Variants in MON1B observed in about 807,000 individuals in gnomAD.
The protein encoded by MON1B is vacuolar fusion protein MON1 homolog B.
Under a neutral mutation model 45.1 loss-of-function variants are expected in MON1B, and 26 were observed. That is an observed-to-expected ratio of 0.58 (90% CI 0.42 to 0.80). MON1B has a LOEUF of 0.80. Among genes scored for constraint, MON1B ranks in the 30% least tolerant of loss-of-function variants. MON1B has a pLI of 0.00. For synonymous variants in MON1B, 395 were observed against 320.2 expected (o/e 1.23, Z -2.49); for missense variants, 737 against 754.5 (o/e 0.98, Z 0.27).
At chr16:77,196,455 C>T (rs1479603269) in intron 5 of MON1B, among the ~76,000 whole-genome samples, 1 of 152,270 alleles carries the variant, frequency 6.6e-6, no homozygotes, top group Non-Finnish European at 1.5e-5. Flanking sequence ...ATTCTTTCTA[C>T]ATTTATTGGC....
chr16:77,193,305 G>T lies in MON1B; in HGVS notation c.149-146G>T. On this transcript the variant is annotated intron_variant, in intron 2 of 5. Transcript: ENST00000248248. The surrounding 1 kb of genome is among the most constrained non-coding windows in gnomAD (Gnocchi z 5.0). ...TGCGGGGTCCTAGGGCAGTCATCGG[G>T]TCATTGAGGGGCATAGGAGACACTT... 1 of 715,612 alleles carries T rather than the reference G, an allele frequency of 1.4e-6. No individual in the cohort carries two copies. The allele number at this position is 715,612 out of a possible 1,614,324, so 44.3% of individuals were successfully genotyped here.
At chr16:77,195,193 G>A (rs2054653412) in intron 4 of MON1B, 39 bp downstream of exon 4, 3 of 1,479,970 alleles carry the variant, frequency 2.0e-6, no homozygotes, top group Non-Finnish European at 2.7e-6. Context: ...GGGTGGGAAG[G>A]CCTGTCAAAC....
Position 77,198,515 on chromosome 16 carries a change from C to A in MON1B, c.*207C>A, listed in dbSNP as rs1380925545. 3.3e-6 allele frequency: 2 copies of A among 602,748 alleles called. 1 individual carries two copies. The highest frequency in any genetic ancestry group is 5.9e-6 in the Non-Finnish European group (2 of 341,594). The allele number at this position is 602,748 out of a possible 1,614,324, so 37.3% of individuals were successfully genotyped here. On this transcript the variant is annotated 3_prime_UTR_variant, in exon 6 of 6. Coordinates refer to ENST00000248248, the MANE Select transcript of MON1B (RefSeq NM_014940.4). ...GCTTTCCCTGCCCAGTCATGCACCTCCCCCTCTGGGGAAATCCTTAGGCCT... is the reference window on the plus strand; with the variant it reads ...GCTTTCCCTGCCCAGTCATGCACCTACCCCTCTGGGGAAATCCTTAGGCCT...
Position 77,195,553 on chromosome 16 carries a change from C to G in MON1B, c.1314C>G (p.Pro438=), listed in dbSNP as rs754849470. Residue 438 remains proline, a synonymous_variant, in exon 5 of 6, where the codon CCC becomes CCG. Transcript: ENST00000248248. ...ATGGCAGCCCTGAGCTAGAGGCCCC[C>G]TACAGCAGAGAGGAGGAGCGGCAGC... ...PQFTSPELEA[P]YSREEERQRL... The G allele has an allele frequency of 6.2e-7, 1 of 1,613,850 alleles. No homozygotes were observed. The highest frequency in any genetic ancestry group is 2.2e-5 in the East Asian group (1 of 44,842).
Position 77,193,694 on chromosome 16 carries a change from C to T in MON1B, c.392C>T (p.Ala131Val), listed in dbSNP as rs140910966. 6 of 1,614,026 alleles carry T rather than the reference C, an allele frequency of 3.7e-6. No homozygotes were observed. Among genetic ancestry groups the T allele is most frequent in the Admixed American group, 3.3e-5 (2 of 60,014 alleles). Residue 131 changes from alanine (A) to valine (V), a missense_variant, in exon 3 of 6, where the codon GCG becomes GTG. Ala to Val is a moderately conservative substitution (Grantham distance 64, BLOSUM62 0). Coordinates refer to ENST00000248248, the MANE Select transcript of MON1B (RefSeq NM_014940.4). The surrounding 1 kb of genome is among the most constrained non-coding windows in gnomAD (Gnocchi z 5.0). Reference sequence around the variant, plus strand: ...TACTCGCGGTATGGTAGTGTGGAGGCGCTGTCGGCTACCATGGGTGTAATG... The same window carrying T: ...TACTCGCGGTATGGTAGTGTGGAGGTGCTGTCGGCTACCATGGGTGTAATG... Reference protein sequence around the residue: ...PIYSRYGSVEALSATMGVMTA... With the variant: ...PIYSRYGSVEVLSATMGVMTA...
In MON1B at chr16:77,194,230, G is replaced by A. The variant is rs745366084; in HGVS notation, c.476-105G>A. On this transcript the variant is annotated intron_variant, in intron 3 of 5. Coordinates refer to ENST00000248248, the MANE Select transcript of MON1B (RefSeq NM_014940.4). This position sits in a 1 kb window ranked among gnomAD's most constrained non-coding sequence, Gnocchi z 8.1. Reference sequence around the variant, plus strand: ...GCCCACAGAGTGAGCATGTGGACTCGGGCCTGGTGTGTGTATGGTAGGAGA... The same window carrying A: ...GCCCACAGAGTGAGCATGTGGACTCAGGCCTGGTGTGTGTATGGTAGGAGA... The A allele has an allele frequency of 1.8e-5, 19 of 1,030,040 alleles. No individual in the cohort carries two copies. The highest frequency in any genetic ancestry group is 1.1e-4 in the South Asian group (9 of 78,630). The allele number at this position is 1,030,040 out of a possible 1,614,324, so 63.8% of individuals were successfully genotyped here.
chr16:77,195,489 A>T lies in MON1B; in HGVS notation c.1296-46A>T. ...TGAGGGAGGAAATGGGCCAGCCAAGAAGGCCCTGGACTAACCTTGTCCTCC... is the reference window on the plus strand; with the variant it reads ...TGAGGGAGGAAATGGGCCAGCCAAGTAGGCCCTGGACTAACCTTGTCCTCC... On this transcript the variant is annotated intron_variant, in intron 4 of 5. Coordinates refer to ENST00000248248, the MANE Select transcript of MON1B (RefSeq NM_014940.4). 1.3e-6 allele frequency: 2 copies of T among 1,564,598 alleles called. 1 individual carries two copies.
chr16:77,199,731 T>G lies in MON1B; in HGVS notation c.*1423T>G. On this transcript the variant is annotated 3_prime_UTR_variant, in exon 6 of 6. Transcript: ENST00000248248. ...CACCGAGATTAACTTTTGTCAACTG[T>G]AGTGTATACGTTGTTGAAAGTAAAC... is the stretch of plus-strand genomic sequence containing the variant. The G allele has an allele frequency of 2.0e-6, 1 of 502,688 alleles. No homozygotes were observed. Among genetic ancestry groups the G allele is most frequent in the South Asian group, 3.1e-5 (1 of 32,488 alleles). The allele number at this position is 502,688 out of a possible 1,614,324, so 31.1% of individuals were successfully genotyped here.
chr16:77,194,873 C>T lies in MON1B; in HGVS notation c.1014C>T (p.Ala338=). The T allele has an allele frequency of 1.2e-6, 2 of 1,611,986 alleles. No homozygotes were observed. The highest frequency in any genetic ancestry group is 1.1e-5 in the South Asian group (1 of 91,092). The change falls in exon 4 of 6, where the codon GCC becomes GCT. Residue 338 remains alanine, a synonymous_variant. Transcript: ENST00000248248. This position sits in a 1 kb window ranked among gnomAD's most constrained non-coding sequence, Gnocchi z 8.1. ...PRFNPDGFFY[A]YVARLDAMPV... The stretch of plus-strand genomic sequence containing the variant: ...TCAACCCTGATGGTTTTTTCTACGC[C>T]TACGTGGCCCGCCTGGATGCTATGC...
chr16:77,200,291 T>TATATATATATATATATATATACATAC lies in MON1B; in HGVS notation c.*1984_*1985insTATATATATATATATATATACATACA. 3.6e-5 allele frequency: 4 copies of TATATATATATATATATATATACATAC among 111,430 alleles called. No homozygotes were observed. The East Asian group carries it at 6.5e-4, about 18-fold the overall frequency. The allele number at this position is 111,430 out of a possible 1,614,324, so 6.9% of individuals were successfully genotyped here. ...ATATATGTGTATATATATATATATA[T>TATATATATATATATATATATACATAC]ACACACACTAATCAGCCGGGCGCGG... On this transcript the variant is annotated 3_prime_UTR_variant, in exon 6 of 6. Transcript: ENST00000248248.
chr16:77,200,291 T>TATATATATATATATATATATACACAC lies in MON1B; in HGVS notation c.*1984_*1985insTATATATATATATATATATACACACA. On this transcript the variant is annotated 3_prime_UTR_variant, in exon 6 of 6. Transcript: ENST00000248248. Reference sequence around the variant, plus strand: ...ATATATGTGTATATATATATATATATACACACACTAATCAGCCGGGCGCGG... The same window carrying TATATATATATATATATATATACACAC: ...ATATATGTGTATATATATATATATATATATATATATATATATATATACACACACACACACTAATCAGCCGGGCGCGG... The TATATATATATATATATATATACACAC allele has an allele frequency of 1.3e-4, 14 of 111,434 alleles. 1 individual carries two copies. The highest frequency in any genetic ancestry group is 4.0e-4 in the African/African-American group (12 of 29,776). The allele number at this position is 111,434 out of a possible 1,614,324, so 6.9% of individuals were successfully genotyped here. A position where few individuals can be genotyped will look rare whatever the true frequency, so the allele number is the denominator to read the frequency against.
Position 77,201,331 on chromosome 16 carries a change from T to C in MON1B, c.*3023T>C, listed in dbSNP as rs2054740340. On this transcript the variant is annotated 3_prime_UTR_variant, in exon 6 of 6. Coordinates refer to ENST00000248248, the MANE Select transcript of MON1B (RefSeq NM_014940.4). ...GCCACTGCAATTAAAAAAAAAATTT[T>C]AGTATCAACCTTTCAAATTCCTCAA... 1 of 152,310 alleles carries C rather than the reference T, an allele frequency of 6.6e-6. No homozygotes were observed. Among genetic ancestry groups the C allele is most frequent in the South Asian group, 2.1e-4 (1 of 4,828 alleles). The allele number at this position is 152,310 out of a possible 1,614,324, so 9.4% of individuals were successfully genotyped here. A position where few individuals can be genotyped will look rare whatever the true frequency, so the allele number is the denominator to read the frequency against.
chr16:77,197,987 G>C, intron 5 of MON1B, 121 bp from the exon 6 acceptor site: 1 of 941,706 alleles, frequency 1.1e-6, no homozygotes, highest in Non-Finnish European at 1.7e-6. Context: ...CACCTGGTAG[G>C]AGGTGCTGCC....
rs2054751182 is a variant in MON1B at position 77,202,284 on chromosome 16, A to C, written c.*3976A>C. 1 of 152,204 alleles carries C rather than the reference A, an allele frequency of 6.6e-6. No individual in the cohort carries two copies. The highest frequency in any genetic ancestry group is 2.4e-5 in the African/African-American group (1 of 41,450). 9.4% of individuals were successfully genotyped at this position (152,204 alleles called of 1,614,324 possible). On this transcript the variant is annotated 3_prime_UTR_variant, in exon 6 of 6. Coordinates refer to ENST00000248248, the MANE Select transcript of MON1B (RefSeq NM_014940.4). ...TCAAGATGTCTGCAACTTATTGTTC[A>C]GAATCACTCACAAATGGGAAATCTG...
rs1028843016 is a variant in MON1B at position 77,199,352 on chromosome 16, C to T, written c.*1044C>T. Reference sequence around the variant, plus strand: ...CCTGATTTAACCGCTGGCGTAACCGCGGGTTGCACGCATGCGTGCTGAAAA... The same window carrying T: ...CCTGATTTAACCGCTGGCGTAACCGTGGGTTGCACGCATGCGTGCTGAAAA... On this transcript the variant is annotated 3_prime_UTR_variant, in exon 6 of 6. Transcript: ENST00000248248. 18 of 1,211,826 alleles carry T rather than the reference C, an allele frequency of 1.5e-5. No homozygotes were observed. Among genetic ancestry groups the T allele is most frequent in the Non-Finnish European group, 2.0e-5 (17 of 852,562 alleles). The allele number at this position is 1,211,826 out of a possible 1,614,324, so 75.1% of individuals were successfully genotyped here.
In MON1B at chr16:77,194,563, G is replaced by C. The variant is rs776372286; in HGVS notation, c.704G>C (p.Ser235Thr). The C allele has an allele frequency of 1.2e-6, 2 of 1,614,050 alleles. No homozygotes were observed. Among genetic ancestry groups the C allele is most frequent in the South Asian group, 2.2e-5 (2 of 91,080 alleles). The change falls in exon 4 of 6, where the codon AGT becomes ACT. Residue 235 changes from serine to threonine, a missense_variant. Physicochemically the swap from Ser to Thr is moderately conservative, Grantham distance 58 (BLOSUM62 1). Transcript: ENST00000248248. The surrounding 1 kb of genome is among the most constrained non-coding windows in gnomAD (Gnocchi z 8.1). ...SERTLDRLLDSMEQDPGALLL... is the reference protein window; with the variant it reads ...SERTLDRLLDTMEQDPGALLL... ...CGCACACTGGACCGACTTCTGGACA[G>C]TATGGAGCAGGACCCAGGAGCCCTG...
chr16:77,196,420 A>C (rs12929942), intron 5 of MON1B, among the ~76,000 whole-genome samples: 12,871 of 152,236 alleles, frequency 0.085, 1,183 homozygotes, highest in African/African-American at 0.23. Context: ...ACGCCTGGTC[A>C]GATGGTGGTT....
rs1158218630 is a variant in MON1B at position 77,199,270 on chromosome 16, AGC to A, written c.*963_*964del. On this transcript the variant is annotated 3_prime_UTR_variant, in exon 6 of 6. Coordinates refer to ENST00000248248, the MANE Select transcript of MON1B (RefSeq NM_014940.4). ...TGTGGAGTTACAGCCTCAAGGTTGT[AGC>A]ATGTGTGCTGGCAATCAGGGCCGCA... 6.6e-5 allele frequency: 40 copies of A among 605,958 alleles called. No individual in the cohort carries two copies. The highest frequency in any genetic ancestry group is 9.4e-5 in the African/African-American group (5 of 53,020). The allele number at this position is 605,958 out of a possible 1,614,324, so 37.5% of individuals were successfully genotyped here.
Position 77,194,336 on chromosome 16 carries a change from G to C in MON1B, c.477G>C (p.Glu159Asp). 2 of 1,603,710 alleles carry C rather than the reference G, an allele frequency of 1.2e-6. No individual in the cohort carries two copies. Among genetic ancestry groups the C allele is most frequent in the East Asian group, 2.2e-5 (1 of 44,860 alleles). Reference sequence around the variant, plus strand: ...CCTTCTTACCCCTTCCTTCCCTAGAGGACCACAAGCTGGTGTTCCTACAAC... The same window carrying C: ...CCTTCTTACCCCTTCCTTCCCTAGACGACCACAAGCTGGTGTTCCTACAAC... ...AGDAIRAIYAEDHKLVFLQQG... is the reference protein window; with the variant it reads ...AGDAIRAIYADDHKLVFLQQG... Residue 159 changes from glutamate (E) to aspartate (D), a missense_variant and splice_region_variant, in exon 4 of 6, where the codon GAG (glutamate) becomes GAC (aspartate). Transcript: ENST00000248248. This position sits in a 1 kb window ranked among gnomAD's most constrained non-coding sequence, Gnocchi z 8.1.
Sources: gnomAD v4.1 joint callset for allele counts (sites outside exome capture counted in the v4.1 genomes callset) on GRCh38, gnomAD v4.1.1 for gene constraint, Gnocchi (gnomAD v3.1) non-coding constraint, MANE v1.5 for transcripts, NCBI Gene and HGNC (gene_info 2026-07-23, HGNC 2026-07-21) for gene names.